The following GTSF1 variants were observed in gnomAD, a reference collection of about 807,000 sequenced individuals.
The protein encoded by GTSF1 is gametocyte specific factor 1.
A neutral mutation model predicts 28.9 loss-of-function variants in GTSF1; 11 were observed. That is an observed-to-expected ratio of 0.38 (90% CI 0.24 to 0.63). The LOEUF (loss-of-function observed/expected upper bound fraction) is 0.63, where lower values mean the gene tolerates loss of function less well. Among genes scored for constraint, GTSF1 ranks in the 30% least tolerant of loss-of-function variants. The pLI, the probability that GTSF1 is intolerant of heterozygous loss-of-function variation, is 0.56. For missense variants in GTSF1, 146 were observed against 201.0 expected, an observed-to-expected ratio of 0.73 and a Z score of 1.66; for synonymous variants, 69 against 65.6, an observed-to-expected ratio of 1.05 and a Z score of -0.25.
At chr12:54,468,897 T>C (rs1956557638) in intron 2 of GTSF1, 1 of 151,966 alleles carries the variant, frequency 6.6e-6, no homozygotes, top group Non-Finnish European at 1.5e-5. Flanking sequence ...GGATGAGCGC[T>C]GAGATTGTCC....
chr12:54,464,130 CA>C (rs1342325670), intron 3 of GTSF1, among the ~76,000 whole-genome samples: 1 of 152,156 alleles, frequency 6.6e-6, no homozygotes, highest in Admixed American at 6.5e-5. Flanking sequence ...CCGTCATTTT[CA>C]TAAGTGGTAT....
chr12:54,462,579 C>T, intron 5 of GTSF1, 63 bp downstream of exon 5: 3 of 1,354,406 alleles, frequency 2.2e-6, no homozygotes, highest in Non-Finnish European at 3.1e-6. Context: ...AATCTTCCTT[C>T]TGTCTTAAGC....
At chr12:54,466,210 T>G (rs1474295100) in intron 2 of GTSF1, among the ~76,000 whole-genome samples, 3 of 152,224 alleles carry the variant, frequency 2.0e-5, no homozygotes, top group Non-Finnish European at 4.4e-5. Context: ...TTCTGGTATA[T>G]TATGAAGACA....
intron 2 of GTSF1, among the ~76,000 whole-genome samples, chr12:54,466,374 G>T (rs1956512509): frequency 6.6e-6 from 1 of 152,222 alleles, no homozygotes; most frequent in Non-Finnish European, 1.5e-5. Flanking sequence ...AGTTTCACTG[G>T]AAGAGTGGTA....
At chr12:54,458,357 A>G (rs1185156206) in intron 8 of GTSF1, among the ~76,000 whole-genome samples, 1 of 152,092 alleles carries the variant, frequency 6.6e-6, no homozygotes, top group East Asian at 1.9e-4. Flanking sequence ...TTAGAAACCC[A>G]AAGCTTTTAT....
At chr12:54,463,454 G>A (rs1315056733) in intron 3 of GTSF1, 157 bp from the exon 4 acceptor site, 3 of 597,460 alleles carry the variant, frequency 5.0e-6, no homozygotes, top group African/African-American at 1.9e-5. Flanking sequence ...AACTAAGAGG[G>A]AATTATTTAT....
chr12:54,462,789 C>T (rs938174456), intron 4 of GTSF1, 64 bp from the exon 5 acceptor site: 2 of 1,322,254 alleles, frequency 1.5e-6, no homozygotes, highest in African/African-American at 1.5e-5. Flanking sequence ...TTCAAAGGGG[C>T]TAGTAGCTTA....
chr12:54,470,768 T>C (rs1956584199), intron 2 of GTSF1, among the ~76,000 whole-genome samples: 1 of 152,318 alleles, frequency 6.6e-6, no homozygotes, highest in African/African-American at 2.4e-5. Flanking sequence ...TAATAGATGA[T>C]TTTTCAAGTC....
chr12:54,467,312 TTTG>T (rs1956532418), intron 2 of GTSF1, among the ~76,000 whole-genome samples: 1 of 149,446 alleles, frequency 6.7e-6, no homozygotes, highest in Non-Finnish European at 1.5e-5. Flanking sequence ...GTGTGTTTTT[TTTG>T]TTTTTTGTTT....
chr12:54,469,160 C>A (rs1046209535), intron 2 of GTSF1, among the ~76,000 whole-genome samples: 1 of 152,072 alleles, frequency 6.6e-6, no homozygotes, highest in Non-Finnish European at 1.5e-5. Context: ...TTTACTGCAA[C>A]CTCCACCTCC....
rs1399721499 is a variant in GTSF1 at position 54,464,829 on chromosome 12, G to C, written c.117+238C>G. The C allele has an allele frequency of 4.8e-5, 15 of 310,644 alleles. No homozygotes were observed. In the East Asian group the frequency reaches 9.2e-4, roughly 19 times the overall value. 19.2% of individuals were successfully genotyped at this position (310,644 alleles called of 1,614,324 possible). ...TTTTACAAAGGGTGAGAAGACTCTAGAGATGCTGTTTATAAAGGGTTCTTT... is the reference window on the plus strand; with the variant it reads ...TTTTACAAAGGGTGAGAAGACTCTACAGATGCTGTTTATAAAGGGTTCTTT... On this transcript the variant is annotated intron_variant, in intron 3 of 8. Coordinates refer to ENST00000305879, the MANE Select transcript of GTSF1 (RefSeq NM_144594.3).
chr12:54,461,924 ACAAAGCACATGAC>A (rs1185919299), intron 6 of GTSF1, among the ~76,000 whole-genome samples, 172 bp downstream of exon 6: 2 of 152,246 alleles, frequency 1.3e-5, no homozygotes, highest in African/African-American at 4.8e-5. Flanking sequence ...TATGATTGGC[ACAAAGCACATGAC>A]CTTTTTGAAT....
chr12:54,463,047 A>C (rs1956449633), intron 4 of GTSF1, 124 bp downstream of exon 4: 1 of 925,426 alleles, frequency 1.1e-6, no homozygotes, highest in Non-Finnish European at 1.6e-6. Context: ...TACAAATCTC[A>C]AAGGTGGAAA....
At chr12:54,463,654 C>T (rs769545269) in intron 3 of GTSF1, among the ~76,000 whole-genome samples, 9 of 152,140 alleles carry the variant, frequency 5.9e-5, no homozygotes, top group Non-Finnish European at 1.2e-4. Context: ...AGAGAGCTCT[C>T]TGGATGTCTT....
chr12:54,472,289 G>A (rs1956603792), intron 1 of GTSF1: 1 of 152,138 alleles, frequency 6.6e-6, no homozygotes, highest in South Asian at 2.1e-4. Context: ...CACTAACATT[G>A]TCCCTTTTTC....
rs757991011 is a variant in GTSF1, at chr12:54,465,160, G to A, written c.24C>T (p.Ser8=). ...ATTGCAATAGCTTCTCAGGGTCCAGGGAGTCGGCTGAAAGACAGAAGTGTT... is the reference window on the plus strand; with the variant it reads ...ATTGCAATAGCTTCTCAGGGTCCAGAGAGTCGGCTGAAAGACAGAAGTGTT... MEETYTD[S]LDPEKLLQCP... The change falls in exon 3 of 9, where the codon TCC becomes TCT. Residue 8 remains serine (S), a synonymous_variant. Coordinates refer to ENST00000305879, the MANE Select transcript of GTSF1 (RefSeq NM_144594.3). The A allele has an allele frequency of 1.1e-5, 17 of 1,612,328 alleles. No homozygotes were observed. In the East Asian group the frequency reaches 3.3e-4, roughly 32 times the overall value.
intron 7 of GTSF1, 55 bp downstream of exon 7, chr12:54,460,322 A>C: frequency 7.9e-7 from 1 of 1,270,142 alleles, no homozygotes; most frequent in South Asian, 1.2e-5. Flanking sequence ...AATCAAGATC[A>C]ACTGTATTTA....
intron 2 of GTSF1, among the ~76,000 whole-genome samples, chr12:54,465,621 C>G (rs924147869): frequency 2.0e-5 from 3 of 152,052 alleles, no homozygotes; most frequent in African/African-American, 4.8e-5. Context: ...TCCCCTACCC[C>G]CCATTTCCAC....
intron 6 of GTSF1, 141 bp from the exon 7 acceptor site, chr12:54,460,612 A>G (rs1956406405): frequency 3.2e-6 from 2 of 624,710 alleles, no homozygotes; most frequent in Non-Finnish European, 5.7e-6. Context: ...ATTTCCATCA[A>G]AACGTTCCGG....
Sources: gnomAD v4.1 joint callset for allele counts (sites outside exome capture counted in the v4.1 genomes callset) on GRCh38, gnomAD v4.1.1 for gene constraint, MANE v1.5 for transcripts, NCBI Gene and HGNC (gene_info 2026-07-23, HGNC 2026-07-21) for gene names.